Variants in IQUB observed in about 807,000 individuals in gnomAD.
The protein encoded by IQUB is IQ motif and ubiquitin domain containing.
A neutral mutation model predicts 86.4 loss-of-function variants in IQUB; 86 were observed. That is an observed-to-expected ratio of 1.00 (90% CI 0.84 to 1.19). The LOEUF is 1.19. IQUB is among the 50% of genes most tolerant of loss of function. The pLI is 0.00. For synonymous variants in IQUB, 289 were observed against 304.5 expected, an observed-to-expected ratio of 0.95 and a Z score of 0.53; for missense variants, 946 against 916.9, an observed-to-expected ratio of 1.03 and a Z score of -0.41.
chr7:123,527,367 T>A (rs1015243313), intron 1 of IQUB, among the ~76,000 whole-genome samples: 3 of 152,240 alleles, frequency 2.0e-5, no homozygotes, highest in Non-Finnish European at 4.4e-5. Flanking sequence ...AGGAACTGCG[T>A]TCCTCTGGAG....
intron 1 of IQUB, among the ~76,000 whole-genome samples, chr7:123,530,589 G>A (rs903084288): frequency 2.0e-5 from 3 of 151,384 alleles, no homozygotes; most frequent in African/African-American, 7.3e-5. Context: ...TTTATTTATG[G>A]TTTGTTCTCA....
At chr7:123,460,431 T>G (rs1256676908) in intron 11 of IQUB, among the ~76,000 whole-genome samples, 1 of 151,854 alleles carries the variant, frequency 6.6e-6, no homozygotes, top group East Asian at 1.9e-4. Context: ...CTCTATAAAG[T>G]TTTCTATTCA....
intron 1 of IQUB, among the ~76,000 whole-genome samples, chr7:123,514,683 T>A (rs533939227): frequency 6.6e-6 from 1 of 152,358 alleles, no homozygotes; most frequent in South Asian, 2.1e-4. Flanking sequence ...GGGCTTTTAT[T>A]GAGGCCATCA....
intron 7 of IQUB, among the ~76,000 whole-genome samples, chr7:123,493,397 T>C (rs959541757): frequency 6.6e-6 from 1 of 152,094 alleles, no homozygotes; most frequent in African/African-American, 2.4e-5. Flanking sequence ...AGCCAAGAAA[T>C]AGGTCCTATT....
At chr7:123,508,904 G>A (rs550168479) in intron 3 of IQUB, among the ~76,000 whole-genome samples, 1 of 152,198 alleles carries the variant, frequency 6.6e-6, no homozygotes, top group Admixed American at 6.5e-5. Context: ...TTTTTTGGAA[G>A]TACTAGCACA....
intron 8 of IQUB, among the ~76,000 whole-genome samples, chr7:123,472,845 T>C (rs1346911760): frequency 6.6e-6 from 1 of 152,236 alleles, no homozygotes; most frequent in Non-Finnish European, 1.5e-5. Context: ...CCTTATTTCC[T>C]TTTTTCTTTG....
At chr7:123,484,391 A>G (rs962947792) in intron 7 of IQUB, among the ~76,000 whole-genome samples, 1 of 151,994 alleles carries the variant, frequency 6.6e-6, no homozygotes, top group Non-Finnish European at 1.5e-5. Flanking sequence ...TGAAGAGAAA[A>G]ATTGCTGGCT....
At chr7:123,483,248 C>T (rs1022000725) in intron 7 of IQUB, among the ~76,000 whole-genome samples, 1 of 152,092 alleles carries the variant, frequency 6.6e-6, no homozygotes, top group Non-Finnish European at 1.5e-5. Flanking sequence ...TACTCTCCCA[C>T]TTCTCACAAA....
At chr7:123,521,308 G>T (rs1796889578) in intron 1 of IQUB, among the ~76,000 whole-genome samples, 1 of 151,750 alleles carries the variant, frequency 6.6e-6, no homozygotes, top group Non-Finnish European at 1.5e-5. Context: ...AGTATGTTAG[G>T]TGTCCTAGAT....
chr7:123,473,162 C>T (rs1357569167), intron 8 of IQUB, among the ~76,000 whole-genome samples: 2 of 152,184 alleles, frequency 1.3e-5, no homozygotes, highest in African/African-American at 4.8e-5. Context: ...CCTAACTCCC[C>T]GCAGAAGCTA....
At chr7:123,525,659 GATTC>G (rs889156789) in intron 1 of IQUB, among the ~76,000 whole-genome samples, 1 of 152,058 alleles carries the variant, frequency 6.6e-6, no homozygotes, top group South Asian at 2.1e-4. Context: ...CCAGCTCCTG[GATTC>G]ATTAATTTTT....
At chr7:123,470,718 A>C (rs1794481719) in intron 8 of IQUB, among the ~76,000 whole-genome samples, 1 of 151,948 alleles carries the variant, frequency 6.6e-6, no homozygotes, top group South Asian at 2.1e-4. Context: ...GGGCGTGGTG[A>C]CGGACACCTG....
intron 1 of IQUB, among the ~76,000 whole-genome samples, chr7:123,527,988 C>G (rs1797334264): frequency 6.6e-6 from 1 of 152,262 alleles, no homozygotes; most frequent in African/African-American, 2.4e-5. Context: ...GTAGGACCCT[C>G]CGAGCCGGGT....
At chr7:123,500,616 A>C (rs979541890) in intron 6 of IQUB, among the ~76,000 whole-genome samples, 2 of 152,152 alleles carry the variant, frequency 1.3e-5, no homozygotes, top group African/African-American at 4.8e-5. Flanking sequence ...TATTAAACGG[A>C]AATGTACTCC....
At chr7:123,515,612 C>T (rs935214466) in intron 1 of IQUB, among the ~76,000 whole-genome samples, 8 of 152,132 alleles carry the variant, frequency 5.3e-5, no homozygotes, top group Non-Finnish European at 1.2e-4. Flanking sequence ...TTGCATCACC[C>T]TAGTCTCAGC....
At chr7:123,471,638 C>CCG (rs755741613) in intron 8 of IQUB, among the ~76,000 whole-genome samples, 64 of 151,488 alleles carry the variant, frequency 4.2e-4, no homozygotes, top group Non-Finnish European at 6.8e-4. Flanking sequence ...GTTTTCCCCC[C>CCG]CAAGTTTTTA....
At chr7:123,530,474 CA>C (rs1797478916) in intron 1 of IQUB, among the ~76,000 whole-genome samples, 1 of 151,732 alleles carries the variant, frequency 6.6e-6, no homozygotes, top group African/African-American at 2.4e-5. Flanking sequence ...CAAACAACAA[CA>C]ACAACACCAA....
rs142290772 is a variant in IQUB at position 123,527,076 on chromosome 7, C to T, written c.-5+7416G>A. Among the ~76,000 whole-genome samples, 1,282 of 152,286 alleles carry T rather than the reference C, an allele frequency of 8.4e-3. 18 individuals carry two copies. The highest frequency in any genetic ancestry group is 0.029 in the African/African-American group (1,197 of 41,550). On this transcript the variant is annotated intron_variant, in intron 1 of 12. Coordinates refer to ENST00000324698, the MANE Select transcript of IQUB (RefSeq NM_178827.5). ...TCATTTCATTCATTTCATCTTCCAT[C>T]GCTGATACCCTTCCTTCCAGTTGAT...
At chr7:123,503,177 A>T (rs770703705) in intron 4 of IQUB, 25 bp downstream of exon 4, 4 of 1,608,868 alleles carry the variant, frequency 2.5e-6, no homozygotes, top group Non-Finnish European at 2.5e-6. Flanking sequence ...AAAATACTTT[A>T]TCTAAAAGAC....
Sources: allele counts gnomAD v4.1 joint callset (sites outside exome capture counted in the v4.1 genomes callset), GRCh38; gene constraint gnomAD v4.1.1; transcripts MANE v1.5; gene names NCBI Gene and HGNC (gene_info 2026-07-23, HGNC 2026-07-21).